DTD1: variants seen among roughly 807,000 people sequenced by gnomAD.
The protein encoded by DTD1 is D-aminoacyl-tRNA deacylase 1, also known as D-tyrosyl-tRNA deacylase 1 homolog.
Under a neutral mutation model 25.6 loss-of-function variants are expected in DTD1, and 13 were observed. The ratio of observed to expected loss-of-function variants is 0.51; its 90% CI spans 0.33 to 0.81. The LOEUF (loss-of-function observed/expected upper bound fraction) is 0.81. Ranked by LOEUF, DTD1 falls within the 30% of genes least tolerant of loss-of-function variation. The pLI is 0.02. For synonymous variants in DTD1, 110 were observed against 103.6 expected (o/e 1.06, Z -0.37); for missense variants, 193 against 266.4 (o/e 0.72, Z 1.92).
Position 18,644,636 on chromosome 20 carries a change from A to T in DTD1, c.477+16403A>T, listed in dbSNP as rs16979447. On this transcript the variant is annotated intron_variant, in intron 4 of 5. Transcript: ENST00000377452. ...AGGTTAGGAATAATAGACCTGAAAGAGTTGCTTGGAACCTGTGTAGATTCA... is the reference window on the plus strand; with the variant it reads ...AGGTTAGGAATAATAGACCTGAAAGTGTTGCTTGGAACCTGTGTAGATTCA... 2.4e-3 allele frequency among the ~76,000 whole-genome samples: 370 copies of T among 152,362 alleles called. 7 individuals carry two copies. The highest frequency in any genetic ancestry group is 0.02 in the Admixed American group (302 of 15,306).
rs148151354 is a variant in DTD1 at position 18,621,117 on chromosome 20, A to G, written c.371-7010A>G. 2.1e-3 allele frequency among the ~76,000 whole-genome samples: 324 copies of G among 152,226 alleles called. 2 individuals are homozygous for G. The highest frequency in any genetic ancestry group is 7.3e-3 in the African/African-American group (305 of 41,516). ...TCCAGGATTCAATCCAGAATTCCAAACCGCATTTAGTTGTTGCAGCTCCTT... is the reference window on the plus strand; with the variant it reads ...TCCAGGATTCAATCCAGAATTCCAAGCCGCATTTAGTTGTTGCAGCTCCTT... On this transcript the variant is annotated intron_variant, in intron 3 of 5. Transcript: ENST00000377452.
rs189507651 is a variant in DTD1 at position 18,593,681 on chromosome 20, A to G, written c.44-50A>G. 1.8e-4 allele frequency: 250 copies of G among 1,400,746 alleles called. 1 individual carries two copies. The Middle Eastern group carries it at 8.6e-3, about 48-fold the overall frequency. The allele number at this position is 1,400,746 out of a possible 1,614,324, so 86.8% of individuals were successfully genotyped here. Reference sequence around the variant, plus strand: ...TCCTATGGTTACTTAAAAGTGCTTTATGACCTTGTTTGGTTCTGAGTTCTT... The same window carrying G: ...TCCTATGGTTACTTAAAAGTGCTTTGTGACCTTGTTTGGTTCTGAGTTCTT... On this transcript the variant is annotated intron_variant, in intron 1 of 5. Coordinates refer to ENST00000377452, the MANE Select transcript of DTD1 (RefSeq NM_080820.6).
At chr20:18,634,544 G>A (rs1478917760) in intron 4 of DTD1, among the ~76,000 whole-genome samples, 1 of 152,208 alleles carries the variant, frequency 6.6e-6, no homozygotes, top group East Asian at 1.9e-4. Context: ...GAAACACGGT[G>A]CCTTCAATTT....
chr20:18,628,048 A>G, intron 3 of DTD1, 79 bp from the exon 4 acceptor site: 1 of 1,191,456 alleles, frequency 8.4e-7, no homozygotes, highest in Non-Finnish European at 1.2e-6. Flanking sequence ...GCAGTGTGAA[A>G]ATGAACTAAT....
intron 4 of DTD1, among the ~76,000 whole-genome samples, chr20:18,645,603 A>T (rs1054665919): frequency 1.3e-5 from 2 of 152,272 alleles, no homozygotes; most frequent in African/African-American, 4.8e-5. Context: ...GGAATACTAT[A>T]CAAAGGAACC....
chr20:18,631,855 A>G (rs902443845), intron 4 of DTD1: 13 of 985,184 alleles, frequency 1.3e-5, no homozygotes, highest in African/African-American at 1.7e-5. Flanking sequence ...TGGAAATGGT[A>G]GAATAGTACA....
At chr20:18,607,259 T>C (rs1465371473) in intron 3 of DTD1, among the ~76,000 whole-genome samples, 2 of 152,062 alleles carry the variant, frequency 1.3e-5, no homozygotes, top group Non-Finnish European at 2.9e-5. Flanking sequence ...CCTTCCGGGT[T>C]CAAACGATTC....
intron 4 of DTD1, among the ~76,000 whole-genome samples, chr20:18,695,858 G>T (rs1200816703): frequency 6.6e-6 from 1 of 151,644 alleles, no homozygotes; most frequent in African/African-American, 2.4e-5. Context: ...TTTTATTTTT[G>T]TAGAGATGGG....
At chr20:18,671,929 C>T (rs899715674) in intron 4 of DTD1, among the ~76,000 whole-genome samples, 3 of 152,196 alleles carry the variant, frequency 2.0e-5, no homozygotes, top group Non-Finnish European at 2.9e-5. Context: ...CCTTGAAATA[C>T]AGCTTTTAAG....
chr20:18,754,520 C>G (rs536576343), intron 5 of DTD1, among the ~76,000 whole-genome samples: 1 of 152,280 alleles, frequency 6.6e-6, no homozygotes, highest in African/African-American at 2.4e-5. Context: ...GGCACATTAC[C>G]CCTTATCCAG....
rs1314812305 is a variant in DTD1 at position 18,689,141 on chromosome 20, A to C, written c.478-54959A>C. 2.6e-5 allele frequency among the ~76,000 whole-genome samples: 4 copies of C among 152,210 alleles called. No individual in the cohort carries two copies. The South Asian group carries it at 6.2e-4, about 24-fold the overall frequency. On this transcript the variant is annotated intron_variant, in intron 4 of 5. Coordinates refer to ENST00000377452, the MANE Select transcript of DTD1 (RefSeq NM_080820.6). The stretch of plus-strand genomic sequence containing the variant: ...CCGTTTTTCCATTCGTTTTCGGAAT[A>C]AAGAAGCTGGTTCTATTTTAGGCTT...
intron 4 of DTD1, among the ~76,000 whole-genome samples, chr20:18,643,965 CA>C (rs111931308): frequency 2.0e-5 from 3 of 152,256 alleles, no homozygotes; most frequent in African/African-American, 7.2e-5. Context: ...TCCCACCCCA[CA>C]AGGGCATTTG....
At chr20:18,685,744 C>G (rs559370853) in intron 4 of DTD1, among the ~76,000 whole-genome samples, 2 of 152,328 alleles carry the variant, frequency 1.3e-5, no homozygotes, top group African/African-American at 4.8e-5. Context: ...TAAGTAGGAA[C>G]TTGTGCTTTG....
intron 4 of DTD1, among the ~76,000 whole-genome samples, chr20:18,691,691 C>T (rs1310371253): frequency 6.6e-6 from 1 of 152,164 alleles, no homozygotes; most frequent in African/African-American, 2.4e-5. Flanking sequence ...ATGAGATCAT[C>T]TGTACCATAA....
At chr20:18,632,795 G>T (rs1317944271) in intron 4 of DTD1, 24 of 416,556 alleles carry the variant, frequency 5.8e-5, no homozygotes, top group Non-Finnish European at 7.7e-5. Context: ...GGATGTATAT[G>T]TGTGCATGGG....
At chr20:18,746,444 T>A (rs1211897685) in intron 5 of DTD1, among the ~76,000 whole-genome samples, 2 of 152,030 alleles carry the variant, frequency 1.3e-5, no homozygotes, top group Non-Finnish European at 2.9e-5. Context: ...ACACCTGTAA[T>A]CCTAGCACTT....
In DTD1 at chr20:18,754,504, G is replaced by A. The variant is rs569510937; in HGVS notation, c.*20-8856G>A. Among the ~76,000 whole-genome samples the A allele has an allele frequency of 2.8e-4, 42 of 152,308 alleles. 1 individual carries two copies. In the South Asian group the frequency reaches 8.1e-3, roughly 29 times the overall value. On this transcript the variant is annotated intron_variant, in intron 5 of 5. Transcript: ENST00000377452. ...GACATCATCCCTTCAGTAGCTCTTA[G>A]AGGGAGGCACATTACCCCTTATCCA... is the stretch of plus-strand genomic sequence containing the variant.
At chr20:18,734,986 C>A (rs1250233038) in intron 4 of DTD1, among the ~76,000 whole-genome samples, 1 of 152,180 alleles carries the variant, frequency 6.6e-6, no homozygotes, top group African/African-American at 2.4e-5. Flanking sequence ...TGACATCAGC[C>A]GGGCCACAGG....
At chr20:18,633,362 C>T (rs1356413322) in intron 4 of DTD1, among the ~76,000 whole-genome samples, 1 of 152,180 alleles carries the variant, frequency 6.6e-6, no homozygotes, top group Non-Finnish European at 1.5e-5. Context: ...CTCCAAGAAT[C>T]TCTGACCCCC....
Sources: gnomAD v4.1 joint callset for allele counts (sites outside exome capture counted in the v4.1 genomes callset) on GRCh38, gnomAD v4.1.1 for gene constraint, MANE v1.5 for transcripts, NCBI Gene and HGNC (gene_info 2026-07-23, HGNC 2026-07-21) for gene names.